WDR48: variants seen among roughly 807,000 people sequenced by gnomAD.
WDR48 encodes the protein WD repeat domain 48, also known as WD repeat-containing protein 48.
WDR48 carries 22 observed loss-of-function variants against 94.0 expected under a neutral mutation model. The observed-to-expected ratio is 0.23, with a 90% confidence interval of 0.17 to 0.33. The LOEUF is 0.33. Among genes scored for constraint, WDR48 ranks in the 10% least tolerant of loss-of-function variants. WDR48 has a pLI of 1.00. For synonymous variants in WDR48, 278 were observed against 280.5 expected, an observed-to-expected ratio of 0.99 and a Z score of 0.09; for missense variants, 541 against 813.8, an observed-to-expected ratio of 0.66 and a Z score of 4.08.
At position 39,091,901 on chromosome 3, in the gene WDR48, G is replaced by A. The variant is rs549431243; in HGVS notation, c.1745+200G>A. Among the ~76,000 whole-genome samples the A allele has an allele frequency of 3.9e-5, 6 of 152,372 alleles. No individual in the cohort carries two copies. In the East Asian group the frequency reaches 1.2e-3, roughly 29 times the overall value. ...TCAAAAATAAATAAGGCCAGGTACA[G>A]TGGCTCACGCCCATAATCCCAACAC... On this transcript the variant is annotated intron_variant, in intron 17 of 18. Coordinates refer to ENST00000302313, the MANE Select transcript of WDR48 (RefSeq NM_020839.4).
intron 9 of WDR48, 71 bp from the exon 10 acceptor site, chr3:39,078,066 T>C: frequency 2.6e-6 from 3 of 1,163,048 alleles, no homozygotes; most frequent in Non-Finnish European, 3.7e-6. Flanking sequence ...TTTATTTTTC[T>C]TGCCACTTTA....
intron 12 of WDR48, 77 bp downstream of exon 12, chr3:39,084,339 C>T: frequency 9.3e-7 from 1 of 1,080,358 alleles, no homozygotes; most frequent in South Asian, 2.1e-5. Flanking sequence ...TTATTAGTTA[C>T]AGAGTCCTGT....
chr3:39,075,801 C>T (rs2034193634), intron 8 of WDR48, among the ~76,000 whole-genome samples: 1 of 151,766 alleles, frequency 6.6e-6, no homozygotes, highest in South Asian at 2.1e-4. Flanking sequence ...TAATGCCATT[C>T]TCCTGCCTCA....
chr3:39,088,546 C>T (rs1041242023), intron 15 of WDR48, among the ~76,000 whole-genome samples: 1 of 152,222 alleles, frequency 6.6e-6, no homozygotes, highest in African/African-American at 2.4e-5. Context: ...GGCCAAGCAA[C>T]AGATGATACC....
intron 7 of WDR48, 109 bp from the exon 8 acceptor site, chr3:39,074,617 T>C: frequency 1.9e-6 from 2 of 1,075,982 alleles, no homozygotes; most frequent in South Asian, 1.5e-5. Context: ...GAAACACAGG[T>C]TAATAGAGTC....
chr3:39,074,327 C>T (rs1156519847), intron 7 of WDR48, among the ~76,000 whole-genome samples: 1 of 152,204 alleles, frequency 6.6e-6, no homozygotes, highest in East Asian at 1.9e-4. Context: ...TCTAGTTTCT[C>T]TTCTATCCAT....
chr3:39,092,163 C>T (rs892706107), intron 17 of WDR48, among the ~76,000 whole-genome samples: 2 of 152,152 alleles, frequency 1.3e-5, no homozygotes, highest in African/African-American at 4.8e-5. Context: ...CAGAGAGAGA[C>T]CCTGTCTCTA....
intron 11 of WDR48, among the ~76,000 whole-genome samples, chr3:39,082,835 G>T (rs73066280): frequency 0.099 from 15,002 of 152,178 alleles, 1,009 homozygotes; most frequent in East Asian, 0.22. Context: ...GGAGAAAAAG[G>T]CTCAGCAGTC....
intron 1 of WDR48, among the ~76,000 whole-genome samples, chr3:39,053,770 G>A (rs186148686): frequency 9.9e-5 from 15 of 152,284 alleles, no homozygotes; most frequent in African/African-American, 3.6e-4. Context: ...CAAGGCAATT[G>A]TACTAGTATG....
In WDR48 at chr3:39,078,606, ATG is replaced by A. The variant is rs1486215110; in HGVS notation, c.1075+368_1075+369del. ...GCTACTTTTTATATTTTTAGTAGAGATGGGGTTTCATCTTGTTGGCCAGGCTG... is the reference window on the plus strand; with the variant it reads ...GCTACTTTTTATATTTTTAGTAGAGAGGGTTTCATCTTGTTGGCCAGGCTG... On this transcript the variant is annotated intron_variant, in intron 10 of 18. Transcript: ENST00000302313. Among the ~76,000 whole-genome samples, 4 of 152,002 alleles carry A rather than the reference ATG, an allele frequency of 2.6e-5. No homozygotes were observed. In the East Asian group the frequency reaches 7.8e-4, roughly 30 times the overall value.
chr3:39,078,379 T>C (rs2034340350), intron 10 of WDR48, 140 bp downstream of exon 10: 3 of 667,750 alleles, frequency 4.5e-6, no homozygotes, highest in Non-Finnish European at 2.6e-6. Flanking sequence ...ATTTTTAATA[T>C]AAGGAAAAGG....
intron 10 of WDR48, among the ~76,000 whole-genome samples, 156 bp downstream of exon 10, chr3:39,078,395 T>G (rs56339498): frequency 0.067 from 10,252 of 152,050 alleles, 1,107 homozygotes; most frequent in African/African-American, 0.23. Context: ...AAAGGTTTTT[T>G]TTTGTTTGTT....
chr3:39,063,899 C>T (rs532922250), intron 2 of WDR48, among the ~76,000 whole-genome samples: 9 of 152,246 alleles, frequency 5.9e-5, no homozygotes, highest in African/African-American at 1.9e-4. Context: ...CTGAGTGAGC[C>T]GTGATCACAC....
Position 39,091,652 on chromosome 3 carries a change from C to G in WDR48, c.1696C>G (p.Pro566Ala). 6.2e-7 allele frequency: 1 copy of G among 1,606,634 alleles called. No homozygotes were observed. The highest frequency in any genetic ancestry group is 8.5e-7 in the Non-Finnish European group (1 of 1,177,618). Reference protein sequence around the residue: ...DKNMPKFNKIPFYLQPHASSG... With the variant: ...DKNMPKFNKIAFYLQPHASSG... ...AAATATGCCCAAATTCAACAAAATTCCTTTCTACCTCCAACCTCATGCATC... is the reference window on the plus strand; with the variant it reads ...AAATATGCCCAAATTCAACAAAATTGCTTTCTACCTCCAACCTCATGCATC... The change falls in exon 17 of 19, where the codon CCT becomes GCT. Residue 566 changes from proline to alanine, a missense_variant. Physicochemically the swap from Pro to Ala is conservative, Grantham distance 27 (BLOSUM62 -1). Coordinates refer to ENST00000302313, the MANE Select transcript of WDR48 (RefSeq NM_020839.4).
At chr3:39,080,316 A>C (rs1046263132) in intron 11 of WDR48, among the ~76,000 whole-genome samples, 3 of 152,196 alleles carry the variant, frequency 2.0e-5, no homozygotes, top group Non-Finnish European at 2.9e-5. Context: ...TGCACACAAT[A>C]AGGTTGGCTG....
rs368802386 is a variant in WDR48, at chr3:39,052,080, A to C, written c.48+7A>C. The C allele has an allele frequency of 6.2e-7, 1 of 1,613,480 alleles. No individual in the cohort carries two copies. The highest frequency in any genetic ancestry group is 1.1e-5 in the South Asian group (1 of 91,068). On this transcript the variant is annotated splice_region_variant and intron_variant, in intron 1 of 18. Transcript: ENST00000302313. ...AGGGCGGAGGAAAGTGCAGGTATGG[A>C]AGCCCGGTTCCTCGGTCTTCCGGAC...
intron 12 of WDR48, 145 bp downstream of exon 12, chr3:39,084,407 AAAAG>A: frequency 3.2e-6 from 2 of 623,952 alleles, no homozygotes; most frequent in Non-Finnish European, 4.9e-6. Context: ...AATGGAATAA[AAAAG>A]AAAAAAACAA....
At chr3:39,091,567 TATTTTC>T in intron 16 of WDR48, 52 bp from the exon 17 acceptor site, 2 of 1,275,484 alleles carry the variant, frequency 1.6e-6, no homozygotes, top group Non-Finnish European at 2.2e-6. Context: ...CTATTAACAT[TATTTTC>T]ATTTATCAAC....
At chr3:39,070,306 A>G (rs1254449339) in intron 7 of WDR48, among the ~76,000 whole-genome samples, 1 of 152,234 alleles carries the variant, frequency 6.6e-6, no homozygotes, top group Non-Finnish European at 1.5e-5. Flanking sequence ...TGTAGATAAT[A>G]AAAAACAAAA....
Sources: allele counts gnomAD v4.1 joint callset (sites outside exome capture counted in the v4.1 genomes callset), GRCh38; gene constraint gnomAD v4.1.1; transcripts MANE v1.5; gene names NCBI Gene and HGNC (gene_info 2026-07-23, HGNC 2026-07-21).